PCDHGA6: variants seen among roughly 807,000 people sequenced by gnomAD.
PCDHGA6 encodes the protein protocadherin gamma subfamily A, 6, also known as protocadherin gamma-A6.
In PCDHGA6, 41 loss-of-function variants were observed where a neutral mutation model predicts 60.6. The observed-to-expected ratio is 0.68, with a 90% confidence interval of 0.53 to 0.88. PCDHGA6 has a LOEUF of 0.88. Ranked by LOEUF, PCDHGA6 falls within the 40% of genes least tolerant of loss-of-function variation. The probability of loss-of-function intolerance (pLI) is 0.00; values close to 1 mark genes in which losing one functional copy is unlikely to be tolerated. For synonymous variants in PCDHGA6, 594 were observed against 524.4 expected, an observed-to-expected ratio of 1.13 and a Z score of -1.81; for missense variants, 1,312 against 1,203.0, an observed-to-expected ratio of 1.09 and a Z score of -1.34.
At chr5:141,430,713 T>G in intron 1 of PCDHGA6, 1 of 1,481,944 alleles carries the variant, frequency 6.7e-7, no homozygotes, top group Non-Finnish European at 9.0e-7. Context: ...GCTCCTGACT[T>G]CAGTGGTTAA....
chr5:141,418,941 C>G, intron 1 of PCDHGA6: 1 of 1,614,034 alleles, frequency 6.2e-7, no homozygotes, highest in East Asian at 2.2e-5. Flanking sequence ...GAGGATTCCC[C>G]TCCAGGAGTG....
rs200317374 is a variant in PCDHGA6, at chr5:141,408,395, A to C, written c.2424+31888A>C. 29 of 1,613,856 alleles carry C rather than the reference A, an allele frequency of 1.8e-5. No homozygotes were observed. The South Asian group carries it at 3.0e-4, about 16-fold the overall frequency. On this transcript the variant is annotated intron_variant, in intron 1 of 3. Transcript: ENST00000517434. ...CAGTGTCCTGGATGTGTCGGCTCGC[A>C]AGCTGCGAGTGAGCGCGGAGAAGCT...
chr5:141,390,189 G>A (rs1295174277), intron 1 of PCDHGA6: 3 of 1,613,922 alleles, frequency 1.9e-6, no homozygotes, highest in East Asian at 2.2e-5. Flanking sequence ...AAAATGTAGT[G>A]AGCAGTTGAG....
intron 1 of PCDHGA6, among the ~76,000 whole-genome samples, chr5:141,460,951 G>GTATA (rs200454978): frequency 7.9e-5 from 11 of 139,774 alleles, no homozygotes; most frequent in Middle Eastern, 3.7e-3. Context: ...TATGTATTAT[G>GTATA]TATATATATA....
At position 141,477,167 on chromosome 5, in the gene PCDHGA6, G is replaced by A; in HGVS notation, c.2425-17640G>A. On this transcript the variant is annotated intron_variant, in intron 1 of 3. Coordinates refer to ENST00000517434, the MANE Select transcript of PCDHGA6 (RefSeq NM_018919.3). This position sits in a 1 kb window ranked among gnomAD's most constrained non-coding sequence, Gnocchi z 4.9. ...TGTGGATGTGAATGACAACGCCCCGGAGATCACAGTCACCTCCGTGTACAG... is the reference window on the plus strand; with the variant it reads ...TGTGGATGTGAATGACAACGCCCCGAAGATCACAGTCACCTCCGTGTACAG... 6.2e-7 allele frequency: 1 copy of A among 1,614,166 alleles called. No homozygotes were observed. Among genetic ancestry groups the A allele is most frequent in the South Asian group, 1.1e-5 (1 of 91,076 alleles).
intron 1 of PCDHGA6, chr5:141,417,664 C>T: frequency 1.1e-6 from 1 of 911,118 alleles, no homozygotes; most frequent in Non-Finnish European, 1.6e-6. Context: ...CTGGGATTCC[C>T]TGCGCAGCCA....
chr5:141,415,487 A>C, intron 1 of PCDHGA6: 1 of 1,614,170 alleles, frequency 6.2e-7, no homozygotes, highest in Non-Finnish European at 8.5e-7. Context: ...CGAAAGAGTC[A>C]CCTGATCTTC....
intron 1 of PCDHGA6, chr5:141,383,037 A>G: frequency 6.2e-7 from 1 of 1,613,816 alleles, no homozygotes; most frequent in Non-Finnish European, 8.5e-7. Context: ...CCTTTGTGGG[A>G]GACATCGCCA....
At chr5:141,443,665 AACT>A (rs2154560310) in intron 1 of PCDHGA6, among the ~76,000 whole-genome samples, 1 of 152,358 alleles carries the variant, frequency 6.6e-6, no homozygotes, top group African/African-American at 2.4e-5. Context: ...CATTTTACTG[AACT>A]AGTAGTTTAC....
intron 1 of PCDHGA6, chr5:141,422,184 A>T: frequency 6.4e-7 from 1 of 1,561,838 alleles, no homozygotes; most frequent in Non-Finnish European, 8.6e-7. Context: ...ATGAGATGGA[A>T]ATTCAAGGCC....
chr5:141,479,333 G>A (rs2154577502), intron 1 of PCDHGA6: 1 of 152,652 alleles, frequency 6.6e-6, no homozygotes, highest in East Asian at 1.9e-4. Context: ...TCAGTGGTGT[G>A]CACCTGTAGT....
rs770678698 is a variant in PCDHGA6 at position 141,384,022 on chromosome 5, G to A, written c.2424+7515G>A. On this transcript the variant is annotated intron_variant, in intron 1 of 3. Transcript: ENST00000517434. ...TGCTCTTTTCTACCTACAAGACAGA[G>A]ATTCTGGAAAGAATGGTGAGGTGAC... 3 of 1,613,562 alleles carry A rather than the reference G, an allele frequency of 1.9e-6. No individual in the cohort carries two copies. The highest frequency in any genetic ancestry group is 2.5e-6 in the Non-Finnish European group (3 of 1,179,762).
intron 1 of PCDHGA6, among the ~76,000 whole-genome samples, chr5:141,434,571 T>C (rs2154556263): frequency 6.6e-6 from 1 of 152,374 alleles, no homozygotes; most frequent in South Asian, 2.1e-4. Flanking sequence ...GACATGCCCC[T>C]GCTGCAGATA....
intron 2 of PCDHGA6, among the ~76,000 whole-genome samples, chr5:141,504,859 C>T (rs1396681670): frequency 6.6e-6 from 1 of 152,090 alleles, no homozygotes; most frequent in African/African-American, 2.4e-5. Context: ...TCTTCCATTT[C>T]CCACCTTCAC....
At chr5:141,403,776 G>A (rs1312851147) in intron 1 of PCDHGA6, 1 of 1,613,926 alleles carries the variant, frequency 6.2e-7, no homozygotes, top group East Asian at 2.2e-5. Flanking sequence ...GGAATCAACG[G>A]AAAAGTGGCA....
At chr5:141,483,222 C>A (rs1011389295) in intron 1 of PCDHGA6, among the ~76,000 whole-genome samples, 4 of 152,078 alleles carry the variant, frequency 2.6e-5, no homozygotes, top group African/African-American at 9.7e-5. Context: ...ACAGTCACTG[C>A]AGAAATTTGA....
chr5:141,384,673 G>A (rs1029531424), intron 1 of PCDHGA6: 2 of 1,614,108 alleles, frequency 1.2e-6, no homozygotes, highest in South Asian at 1.1e-5. Context: ...GACCAAGGTG[G>A]TGGCGGTGGA....
At chr5:141,427,774 G>A (rs760144039) in intron 1 of PCDHGA6, 1 of 1,420,908 alleles carries the variant, frequency 7.0e-7, no homozygotes, top group Non-Finnish European at 9.8e-7. Context: ...TTGGAGCTGC[G>A]GGCACTGTCG....
intron 1 of PCDHGA6, chr5:141,421,405 C>T (rs2096570069): frequency 6.2e-7 from 1 of 1,614,074 alleles, no homozygotes; most frequent in African/African-American, 1.3e-5. Context: ...GCCCCGGGAG[C>T]TGGCGAAGCG....
Sources: allele counts gnomAD v4.1 joint callset (sites outside exome capture counted in the v4.1 genomes callset), GRCh38; gene constraint gnomAD v4.1.1; non-coding constraint Gnocchi (gnomAD v3.1); transcripts MANE v1.5; gene names NCBI Gene and HGNC (gene_info 2026-07-23, HGNC 2026-07-21).